Variants in LRP1B observed in about 807,000 individuals in gnomAD.
LRP1B encodes the protein low-density lipoprotein receptor-related protein 1B.
LRP1B carries 217 observed loss-of-function variants against 556.6 expected under a neutral mutation model. That is an observed-to-expected ratio of 0.39 (90% CI 0.35 to 0.44). The LOEUF (loss-of-function observed/expected upper bound fraction) is 0.44. Ranked by LOEUF, LRP1B falls within the 20% of genes least tolerant of loss-of-function variation. LRP1B has a pLI of 1.00. For synonymous variants in LRP1B, 2,047 were observed against 1,865.8 expected, an observed-to-expected ratio of 1.10 and a Z score of -2.50; for missense variants, 5,053 against 5,620.8, an observed-to-expected ratio of 0.90 and a Z score of 3.23.
chr2:141,399,546 A>G (rs1690369802), intron 3 of LRP1B, among the ~76,000 whole-genome samples: 1 of 152,204 alleles, frequency 6.6e-6, no homozygotes. Flanking sequence ...CTTCCTCTGT[A>G]AATCTCATGG....
chr2:141,910,911 G>A (rs969562741), intron 1 of LRP1B, among the ~76,000 whole-genome samples: 2 of 151,786 alleles, frequency 1.3e-5, no homozygotes, highest in African/African-American at 4.8e-5. Flanking sequence ...CATATATTCA[G>A]GAATTTTGCT....
intron 6 of LRP1B, among the ~76,000 whole-genome samples, chr2:141,200,616 T>TAC (rs1190994334): frequency 2.0e-5 from 3 of 152,086 alleles, no homozygotes; most frequent in Non-Finnish European, 4.4e-5. Context: ...CCCCTATATG[T>TAC]ACACACACAT....
chr2:141,947,090 G>C (rs765100779), intron 1 of LRP1B, among the ~76,000 whole-genome samples: 20 of 152,058 alleles, frequency 1.3e-4, no homozygotes, highest in Non-Finnish European at 2.5e-4. Flanking sequence ...ACAGCAGTGG[G>C]AAGTAGATGA....
intron 41 of LRP1B, among the ~76,000 whole-genome samples, chr2:140,636,456 T>G (rs1323499880): frequency 6.6e-6 from 1 of 152,170 alleles, no homozygotes; most frequent in Admixed American, 6.5e-5. Context: ...TTGTTCCTTT[T>G]TAGATAGAAA....
chr2:141,538,800 G>T (rs1283652081), intron 2 of LRP1B, among the ~76,000 whole-genome samples: 1 of 152,038 alleles, frequency 6.6e-6, no homozygotes, highest in Non-Finnish European at 1.5e-5. Context: ...TACCACACCT[G>T]GCTAATTTTT....
In LRP1B at chr2:140,719,259, A is replaced by G. The variant is rs115076170; in HGVS notation, c.5759-2443T>C. Among the ~76,000 whole-genome samples the G allele has an allele frequency of 4.5e-3, 680 of 152,226 alleles. 6 individuals carry two copies. Among genetic ancestry groups the G allele is most frequent in the Middle Eastern group, 0.024 (7 of 294 alleles). ...ATACAAAGAAAACACATCTCTTGCC[A>G]TAAAAATGCTTTTTAGCTCATTAAG... On this transcript the variant is annotated intron_variant, in intron 35 of 90. Transcript: ENST00000389484.
chr2:141,992,511 C>G (rs374380451), intron 1 of LRP1B, among the ~76,000 whole-genome samples: 1 of 152,062 alleles, frequency 6.6e-6, no homozygotes, highest in Admixed American at 6.6e-5. Context: ...AATTTTACTC[C>G]GCATTTCTGT....
At position 141,232,759 on chromosome 2, in the gene LRP1B, G is replaced by T. The variant is rs1683519275; in HGVS notation, c.593-3319C>A. 2.0e-5 allele frequency among the ~76,000 whole-genome samples: 3 copies of T among 152,256 alleles called. 1 individual carries two copies. In the South Asian group the frequency reaches 6.2e-4, roughly 32 times the overall value. On this transcript the variant is annotated intron_variant, in intron 5 of 90. Transcript: ENST00000389484. ...AGATCAAAGGACATACTGGAGGAAG[G>T]ATACCTACATAAGTTGTGAATGCTT...
intron 2 of LRP1B, among the ~76,000 whole-genome samples, chr2:141,497,189 T>C (rs1449650363): frequency 6.6e-6 from 1 of 152,066 alleles, no homozygotes; most frequent in African/African-American, 2.4e-5. Context: ...TTCTTCTTAC[T>C]TTCATTTGTT....
intron 3 of LRP1B, among the ~76,000 whole-genome samples, chr2:141,376,359 A>G (rs1427870962): frequency 1.3e-5 from 2 of 152,172 alleles, no homozygotes; most frequent in Non-Finnish European, 1.5e-5. Flanking sequence ...CTGTTTCCCC[A>G]CATCCAGGAG....
intron 2 of LRP1B, among the ~76,000 whole-genome samples, chr2:141,777,741 A>G (rs1298498087): frequency 6.6e-6 from 1 of 152,148 alleles, no homozygotes; most frequent in Non-Finnish European, 1.5e-5. Context: ...ACAGGTAAGC[A>G]TGAGTTCTGA....
chr2:141,999,178 C>T lies in LRP1B; in HGVS notation c.82+131470G>A, dbSNP rs1702587399. Among the ~76,000 whole-genome samples, 3 of 152,164 alleles carry T rather than the reference C, an allele frequency of 2.0e-5. No homozygotes were observed. In the South Asian group the frequency reaches 6.2e-4, roughly 32 times the overall value. On this transcript the variant is annotated intron_variant, in intron 1 of 90. Coordinates refer to ENST00000389484, the MANE Select transcript of LRP1B (RefSeq NM_018557.3). Reference sequence around the variant, plus strand: ...TCAGTCTTTAGATCTCCGTTTTAATCTAAATTCTGGTCAGCTGTGGCTGAA... The same window carrying T: ...TCAGTCTTTAGATCTCCGTTTTAATTTAAATTCTGGTCAGCTGTGGCTGAA...
chr2:141,265,101 C>T (rs1684838552), intron 3 of LRP1B, among the ~76,000 whole-genome samples: 1 of 152,106 alleles, frequency 6.6e-6, no homozygotes, highest in Non-Finnish European at 1.5e-5. Context: ...CTCGAGACTC[C>T]CATGTCCAGG....
At chr2:140,908,365 AATATATAT>A (rs71834225) in intron 21 of LRP1B, among the ~76,000 whole-genome samples, 13,343 of 140,864 alleles carry the variant, frequency 0.095, 680 homozygotes, top group Middle Eastern at 0.13. Flanking sequence ...ATATTTATAT[AATATATAT>A]ATATATATAT....
intron 1 of LRP1B, among the ~76,000 whole-genome samples, chr2:141,904,028 G>T (rs1381619957): frequency 6.6e-6 from 1 of 151,924 alleles, no homozygotes. Context: ...GTAATGGAAA[G>T]ATATGATAGT....
intron 18 of LRP1B, among the ~76,000 whole-genome samples, chr2:140,981,164 G>A (rs186084988): frequency 1.9e-4 from 29 of 152,108 alleles, no homozygotes; most frequent in Admixed American, 1.4e-3. Flanking sequence ...CTCGGGTGAT[G>A]AGTGCGCTAA....
chr2:140,597,491 G>C (rs1172367404), intron 43 of LRP1B, among the ~76,000 whole-genome samples: 1 of 151,978 alleles, frequency 6.6e-6, no homozygotes, highest in African/African-American at 2.4e-5. Flanking sequence ...TTATATACTA[G>C]GTTTATTTAG....
intron 66 of LRP1B, among the ~76,000 whole-genome samples, chr2:140,433,905 G>A (rs1023270437): frequency 2.0e-5 from 3 of 151,410 alleles, no homozygotes; most frequent in Non-Finnish European, 4.4e-5. Flanking sequence ...AATACTGGGT[G>A]TGTGTCTCTG....
chr2:141,473,579 T>G (rs1301099883), intron 3 of LRP1B, among the ~76,000 whole-genome samples: 2 of 152,142 alleles, frequency 1.3e-5, no homozygotes, highest in African/African-American at 4.8e-5. Flanking sequence ...TCTGATCACC[T>G]TAGCACAGCT....
Sources: allele counts gnomAD v4.1 joint callset (sites outside exome capture counted in the v4.1 genomes callset), GRCh38; gene constraint gnomAD v4.1.1; transcripts MANE v1.5; gene names NCBI Gene and HGNC (gene_info 2026-07-23, HGNC 2026-07-21).